The following CNTLN variants were observed in gnomAD, a reference collection of about 807,000 sequenced individuals.
The protein encoded by CNTLN is centlein, centrosomal protein.
Under a neutral mutation model 180.0 loss-of-function variants are expected in CNTLN, and 212 were observed. The observed-to-expected ratio is 1.18, with a 90% CI of 1.05 to 1.32. CNTLN has a LOEUF of 1.32. Among genes scored for constraint, CNTLN ranks in the 40% most tolerant of loss-of-function variants. The pLI is 0.00. For missense variants in CNTLN, 2,095 were observed against 1,610.9 expected (o/e 1.30, Z -5.14); for synonymous variants, 722 against 563.1 (o/e 1.28, Z -3.99).
intron 8 of CNTLN, among the ~76,000 whole-genome samples, chr9:17,312,365 T>TATATAATATATATATATAAA (rs1563984878): frequency 1.4e-4 from 1 of 7,214 alleles, no homozygotes; most frequent in African/African-American, 2.3e-4. Context: ...ATATATATAT[T>TATATAATATATATATATAAA]ATATATATAT....
At chr9:17,177,068 A>AT in intron 2 of CNTLN, among the ~76,000 whole-genome samples, 1 of 151,510 alleles carries the variant, frequency 6.6e-6, no homozygotes, top group South Asian at 2.1e-4. Context: ...TATTATGTTG[A>AT]TTTCTGCTTT....
chr9:17,411,391 G>A (rs1324597858), intron 16 of CNTLN, among the ~76,000 whole-genome samples: 1 of 152,098 alleles, frequency 6.6e-6, no homozygotes, highest in Non-Finnish European at 1.5e-5. Flanking sequence ...ATCTGTAAAG[G>A]CCTAATGGGA....
chr9:17,360,212 A>G (rs1481873220), intron 12 of CNTLN, among the ~76,000 whole-genome samples: 1 of 152,204 alleles, frequency 6.6e-6, no homozygotes, highest in Admixed American at 6.5e-5. Flanking sequence ...GAAGCATTAT[A>G]GAAAAATGTT....
At chr9:17,355,875 C>A (rs1194864602) in intron 12 of CNTLN, among the ~76,000 whole-genome samples, 1 of 139,282 alleles carries the variant, frequency 7.2e-6, no homozygotes, top group Non-Finnish European at 1.6e-5. Context: ...CCATCCTGGC[C>A]AACATAGTGA....
intron 12 of CNTLN, among the ~76,000 whole-genome samples, chr9:17,347,863 G>A (rs746136633): frequency 2.2e-4 from 33 of 151,838 alleles, no homozygotes; most frequent in East Asian, 1.9e-4. Context: ...ACAGAGTCTC[G>A]CTCTGTCGCT....
At chr9:17,491,964 G>C (rs1833185020) in intron 25 of CNTLN, among the ~76,000 whole-genome samples, 1 of 150,240 alleles carries the variant, frequency 6.7e-6, no homozygotes, top group Non-Finnish European at 1.5e-5. Context: ...CATTTACTCT[G>C]TGGTTATTTC....
downstream of CNTLN, among the ~76,000 whole-genome samples, chr9:17,505,890 C>G (rs1170542870): frequency 6.6e-6 from 1 of 152,008 alleles, no homozygotes; most frequent in Non-Finnish European, 1.5e-5. Context: ...AATAGCTACA[C>G]TAATCAGGAG....
rs574908575 is a variant in CNTLN, at chr9:17,310,763, T to A, written c.1341+1511T>A. 1.7e-4 allele frequency among the ~76,000 whole-genome samples: 26 copies of A among 152,304 alleles called. No individual in the cohort carries two copies. The East Asian group carries it at 4.8e-3, about 28-fold the overall frequency. ...GTCAGACTTCTTAATTCATTACCAA[T>A]TGAATGAGTATAAAATAATATTTTA... On this transcript the variant is annotated intron_variant, in intron 8 of 25. Transcript: ENST00000380647.
At chr9:17,470,906 G>A (rs1428729695) in intron 23 of CNTLN, among the ~76,000 whole-genome samples, 1 of 151,986 alleles carries the variant, frequency 6.6e-6, no homozygotes, top group African/African-American at 2.4e-5. Flanking sequence ...CTTCTTTAGT[G>A]AATACATTTG....
rs368307803 is a variant in CNTLN, at chr9:17,432,110, T to A, written c.3114+15921T>A. Among the ~76,000 whole-genome samples, 139 of 152,154 alleles carry A rather than the reference T, an allele frequency of 9.1e-4. 4 individuals are homozygous for A. In the South Asian group the frequency reaches 0.026, roughly 29 times the overall value. ...GAGACCCAGTACTTTGAAACATGAA[T>A]GAAATGAAGTAAATCCAAACCTGGA... is the stretch of plus-strand genomic sequence containing the variant. On this transcript the variant is annotated intron_variant, in intron 18 of 25. Coordinates refer to ENST00000380647, the MANE Select transcript of CNTLN (RefSeq NM_017738.4).
chr9:17,256,172 G>C (rs1587358326), intron 5 of CNTLN, among the ~76,000 whole-genome samples: 1 of 152,008 alleles, frequency 6.6e-6, no homozygotes, highest in South Asian at 2.1e-4. Flanking sequence ...TGGTCACCTA[G>C]GTTGATTCCA....
intron 25 of CNTLN, among the ~76,000 whole-genome samples, chr9:17,489,494 G>A (rs917132377): frequency 6.6e-6 from 1 of 151,940 alleles, no homozygotes; most frequent in South Asian, 2.1e-4. Context: ...CAAATCCTGA[G>A]ATTATCAGGG....
intron 13 of CNTLN, among the ~76,000 whole-genome samples, chr9:17,384,698 A>T (rs140351381): frequency 6.6e-6 from 1 of 152,256 alleles, no homozygotes; most frequent in Non-Finnish European, 1.5e-5. Context: ...ATTTTAAATT[A>T]ACACAAAAAC....
chr9:17,182,144 C>T (rs1821162012), intron 2 of CNTLN, among the ~76,000 whole-genome samples: 3 of 151,582 alleles, frequency 2.0e-5, no homozygotes, highest in African/African-American at 7.3e-5. Flanking sequence ...CCTTTGCTAG[C>T]ATGAGTGGTG....
At chr9:17,316,853 G>A (rs1289141826) in intron 8 of CNTLN, among the ~76,000 whole-genome samples, 1 of 151,938 alleles carries the variant, frequency 6.6e-6, no homozygotes, top group Non-Finnish European at 1.5e-5. Context: ...ACAATTTACA[G>A]CAATCTCATA....
intron 2 of CNTLN, among the ~76,000 whole-genome samples, chr9:17,149,785 G>A (rs935793058): frequency 3.3e-5 from 5 of 152,012 alleles, no homozygotes; most frequent in African/African-American, 1.2e-4. Flanking sequence ...CCAAAGCGCT[G>A]GGATTACAGG....
At chr9:17,164,770 G>C (rs1411609261) in intron 2 of CNTLN, among the ~76,000 whole-genome samples, 1 of 150,522 alleles carries the variant, frequency 6.6e-6, no homozygotes, top group Admixed American at 6.6e-5. Flanking sequence ...TTTTATGTAA[G>C]ACTTTAACCT....
At chr9:17,509,126 T>G in the CNTLN span, among the ~76,000 whole-genome samples, 53,319 of 152,090 alleles carry the variant, frequency 0.35, 9,688 homozygotes, top group East Asian at 0.5. Context: ...GTGGCAGGGA[T>G]AGAAGTTATG....
chr9:17,146,551 C>G (rs1371464138), intron 2 of CNTLN, among the ~76,000 whole-genome samples: 1 of 152,110 alleles, frequency 6.6e-6, no homozygotes, highest in Non-Finnish European at 1.5e-5. Flanking sequence ...AGGAGCCTCC[C>G]TTCTCTTCTG....
Sources: allele counts gnomAD v4.1 joint callset (sites outside exome capture counted in the v4.1 genomes callset), GRCh38; gene constraint gnomAD v4.1.1; transcripts MANE v1.5; gene names NCBI Gene and HGNC (gene_info 2026-07-23, HGNC 2026-07-21).